Variants in ZNF385D observed in about 807,000 individuals in gnomAD.
ZNF385D encodes the protein zinc finger protein 659.
Under a neutral mutation model 35.8 loss-of-function variants are expected in ZNF385D, and 15 were observed. The ratio of observed to expected loss-of-function variants is 0.42; its 90% CI spans 0.28 to 0.64. The LOEUF (loss-of-function observed/expected upper bound fraction) is 0.64. ZNF385D is among the 30% of genes least tolerant of loss of function. The pLI is 0.23. For missense variants in ZNF385D, 474 were observed against 494.6 expected, an observed-to-expected ratio of 0.96 and a Z score of 0.39; for synonymous variants, 212 against 186.8, an observed-to-expected ratio of 1.13 and a Z score of -1.10.
chr3:22,235,489 CAA>C (rs1395462891), intron 2 of ZNF385D, among the ~76,000 whole-genome samples: 2 of 151,910 alleles, frequency 1.3e-5, no homozygotes, highest in African/African-American at 2.4e-5. Context: ...TCAGTGTGTC[CAA>C]AATACCCAAA....
intron 3 of ZNF385D, among the ~76,000 whole-genome samples, chr3:22,016,285 A>G (rs375127506): frequency 3.3e-5 from 5 of 152,156 alleles, no homozygotes; most frequent in South Asian, 2.1e-4. Flanking sequence ...CAAACTTTCT[A>G]TAACACATAG....
At chr3:21,427,423 A>G (rs991759215) in intron 5 of ZNF385D, among the ~76,000 whole-genome samples, 28 of 152,158 alleles carry the variant, frequency 1.8e-4, no homozygotes, top group Admixed American at 1.8e-3. Context: ...TTTGGTTAAT[A>G]TCATCTGTGA....
At position 22,091,507 on chromosome 3, in the gene ZNF385D, CG is replaced by C. The variant is rs199621809; in HGVS notation, c.325+77309del. ...GAACACCCTGGTCTGTAGAGATCTT[CG>C]GCAGTGTCCACTGAACACTGTGTTC... is the stretch of plus-strand genomic sequence containing the variant. On this transcript the variant is annotated intron_variant, in intron 3 of 5. Coordinates refer to the ZNF385D transcript ENST00000494108. Among the ~76,000 whole-genome samples, 156 of 152,126 alleles carry C rather than the reference CG, an allele frequency of 1.0e-3. 1 individual carries two copies. The East Asian group carries it at 0.015, about 14-fold the overall frequency.
intron 1 of ZNF385D, among the ~76,000 whole-genome samples, chr3:21,703,307 A>C (rs2067764257): frequency 6.6e-6 from 1 of 152,156 alleles, no homozygotes; most frequent in Non-Finnish European, 1.5e-5. Flanking sequence ...CACTATCACG[A>C]GAATAGCATG....
intron 1 of ZNF385D, among the ~76,000 whole-genome samples, chr3:21,712,983 C>T (rs997960631): frequency 6.6e-6 from 1 of 152,180 alleles, no homozygotes; most frequent in Admixed American, 6.5e-5. Context: ...CCAGTGGTGC[C>T]ACTTTTTTGG....
At chr3:22,043,510 C>T (rs905153960) in intron 3 of ZNF385D, among the ~76,000 whole-genome samples, 2 of 151,412 alleles carry the variant, frequency 1.3e-5, no homozygotes, top group African/African-American at 4.9e-5. Flanking sequence ...GTATATTGGT[C>T]AAAAACAGCA....
intron 2 of ZNF385D, among the ~76,000 whole-genome samples, chr3:22,238,630 A>C (rs956046805): frequency 6.6e-6 from 1 of 150,758 alleles, no homozygotes; most frequent in Non-Finnish European, 1.5e-5. Context: ...TTATCTATTG[A>C]TCTTTTATCC....
intron 1 of ZNF385D, among the ~76,000 whole-genome samples, chr3:21,694,623 T>A (rs560808943): frequency 6.6e-6 from 1 of 152,224 alleles, no homozygotes; most frequent in Non-Finnish European, 1.5e-5. Flanking sequence ...TGGTGAACTA[T>A]GGTGAAGTAA....
chr3:21,507,705 G>A lies in ZNF385D; in HGVS notation c.439+3156C>T, dbSNP rs529206912. On this transcript the variant is annotated intron_variant, in intron 4 of 7. Coordinates refer to ENST00000281523, the MANE Select transcript of ZNF385D (RefSeq NM_024697.3). The stretch of plus-strand genomic sequence containing the variant: ...TTGTGCCTCAGCCTTCCAAGTAGGC[G>A]AGTCTATAGCCACATGCCACTGTGC... 9.2e-5 allele frequency among the ~76,000 whole-genome samples: 14 copies of A among 152,214 alleles called. No individual in the cohort carries two copies. The East Asian group carries it at 1.2e-3, about 13-fold the overall frequency.
In ZNF385D at chr3:21,412,553, C is replaced by A. The variant is rs1047632103; in HGVS notation, c.*8661G>T. ...AACCATTTTGATTCCACAAACCAAG[C>A]GAAGAATAAGGACATGAACAGACCA... On this transcript the variant is annotated 3_prime_UTR_variant, in exon 8 of 8. Coordinates refer to ENST00000281523, the MANE Select transcript of ZNF385D (RefSeq NM_024697.3). 6.6e-6 allele frequency: 1 copy of A among 151,884 alleles called. No homozygotes were observed. The highest frequency in any genetic ancestry group is 6.6e-5 in the Admixed American group (1 of 15,234). The allele number at this position is 151,884 out of a possible 1,614,324, so 9.4% of individuals were successfully genotyped here. A position where few individuals can be genotyped will look rare whatever the true frequency, so the allele number is the denominator to read the frequency against.
chr3:21,774,398 T>G (rs1320096384), intron 3 of ZNF385D, among the ~76,000 whole-genome samples: 2 of 151,808 alleles, frequency 1.3e-5, no homozygotes, highest in Non-Finnish European at 2.9e-5. Flanking sequence ...GTAACAAACA[T>G]GCACATCCTA....
rs79389483 is a variant in ZNF385D, at chr3:22,308,076, A to G, written c.106+64374T>C. Among the ~76,000 whole-genome samples, 1,397 of 152,242 alleles carry G rather than the reference A, an allele frequency of 9.2e-3. 23 individuals are homozygous for G. Among genetic ancestry groups the G allele is most frequent in the African/African-American group, 0.03 (1,262 of 41,570 alleles). On this transcript the variant is annotated intron_variant, in intron 2 of 5. Coordinates refer to the ZNF385D transcript ENST00000494108. Reference sequence around the variant, plus strand: ...AAAAGATTAGAGCAGGAGGTAGAATAGTTTAAAGCACTGACATAGTAATTA... The same window carrying G: ...AAAAGATTAGAGCAGGAGGTAGAATGGTTTAAAGCACTGACATAGTAATTA...
At chr3:22,176,589 A>G (rs1694845278) in intron 2 of ZNF385D, among the ~76,000 whole-genome samples, 1 of 152,170 alleles carries the variant, frequency 6.6e-6, no homozygotes, top group South Asian at 2.1e-4. Flanking sequence ...TCTTAACTGA[A>G]TATTTGCAGA....
At chr3:21,528,442 CCTGATGCA>C (rs1260059564) in intron 3 of ZNF385D, among the ~76,000 whole-genome samples, 1 of 152,080 alleles carries the variant, frequency 6.6e-6, no homozygotes, top group African/African-American at 2.4e-5. Context: ...CATGTCCAGC[CCTGATGCA>C]CTAAAAATTC....
At chr3:21,729,266 A>T (rs2068893055) in intron 1 of ZNF385D, among the ~76,000 whole-genome samples, 2 of 152,182 alleles carry the variant, frequency 1.3e-5, no homozygotes, top group Admixed American at 1.3e-4. Flanking sequence ...AAATTTTAAA[A>T]ACAATAAAAC....
chr3:21,999,687 A>T (rs1441985349), intron 3 of ZNF385D, among the ~76,000 whole-genome samples: 2 of 152,094 alleles, frequency 1.3e-5, no homozygotes, highest in Non-Finnish European at 2.9e-5. Context: ...ATAGCAGTCC[A>T]ACAGATAGCT....
intron 3 of ZNF385D, among the ~76,000 whole-genome samples, chr3:21,935,009 C>A (rs1467126686): frequency 1.3e-5 from 2 of 152,150 alleles, no homozygotes; most frequent in African/African-American, 4.8e-5. Context: ...GTACTTAGTG[C>A]ATTGGTAGCT....
chr3:21,806,645 T>C (rs1261656225), intron 3 of ZNF385D, among the ~76,000 whole-genome samples: 1 of 152,192 alleles, frequency 6.6e-6, no homozygotes, highest in Non-Finnish European at 1.5e-5. Flanking sequence ...TTTTGGGAGA[T>C]TTTGTTGCCA....
chr3:22,068,198 C>G lies in ZNF385D; in HGVS notation c.325+100619G>C, dbSNP rs145254422. 2.6e-3 allele frequency among the ~76,000 whole-genome samples: 393 copies of G among 152,170 alleles called. 4 individuals are homozygous for G. The highest frequency in any genetic ancestry group is 2.2e-4 in the Non-Finnish European group (15 of 68,018). ...CTTCTTTATTAGTTGTAACATTGTTCTCTTAGATGCTCTTTCAGACAGTTG... is the reference window on the plus strand; with the variant it reads ...CTTCTTTATTAGTTGTAACATTGTTGTCTTAGATGCTCTTTCAGACAGTTG... On this transcript the variant is annotated intron_variant, in intron 3 of 5. Coordinates refer to the ZNF385D transcript ENST00000494108.
Sources: gnomAD v4.1 joint callset for allele counts (sites outside exome capture counted in the v4.1 genomes callset) on GRCh38, gnomAD v4.1.1 for gene constraint, MANE v1.5 for transcripts, NCBI Gene and HGNC (gene_info 2026-07-23, HGNC 2026-07-21) for gene names.